Variants in NHEJ1 observed in about 807,000 individuals in gnomAD.
The protein encoded by NHEJ1 is non-homologous end-joining factor 1.
A neutral mutation model predicts 39.4 loss-of-function variants in NHEJ1; 22 were observed. The observed-to-expected ratio is 0.56, with a 90% CI of 0.40 to 0.80. The LOEUF is 0.80. Ranked by LOEUF, NHEJ1 falls within the 30% of genes least tolerant of loss-of-function variation. The pLI, the probability that NHEJ1 is intolerant of heterozygous loss-of-function variation, is 0.00. For synonymous variants in NHEJ1, 154 were observed against 135.6 expected, an observed-to-expected ratio of 1.14 and a Z score of -0.94; for missense variants, 329 against 357.1, an observed-to-expected ratio of 0.92 and a Z score of 0.63.
chr2:219,074,777 CAGCT>C lies in NHEJ1; in HGVS notation c.*1600_*1603del, dbSNP rs1449107691. ...AAAGTAACAAAAGAGCAAAGTAAGC[CAGCT>C]GATAGGCTGTTTTTATATAGTTCCC... On this transcript the variant is annotated 3_prime_UTR_variant, in exon 8 of 8. Coordinates refer to ENST00000356853, the MANE Select transcript of NHEJ1 (RefSeq NM_024782.3). Among the ~76,000 whole-genome samples the C allele has an allele frequency of 6.6e-6, 1 of 151,782 alleles. No individual in the cohort carries two copies. The highest frequency in any genetic ancestry group is 1.5e-5 in the Non-Finnish European group (1 of 67,940).
At chr2:219,140,054 G>A (rs890043813) in intron 5 of NHEJ1, among the ~76,000 whole-genome samples, 3 of 152,234 alleles carry the variant, frequency 2.0e-5, no homozygotes, top group African/African-American at 7.2e-5. Context: ...TTAAGGAAGT[G>A]AGGAAGTTGG....
chr2:219,100,221 T>C (rs1949243663), intron 5 of NHEJ1, among the ~76,000 whole-genome samples: 1 of 152,134 alleles, frequency 6.6e-6, no homozygotes, highest in Admixed American at 6.6e-5. Context: ...ACAGCTTTAA[T>C]ATGAGGAAGT....
rs935823347 is a variant in NHEJ1, at chr2:219,074,498, C to A, written c.*1883G>T. Reference sequence around the variant, plus strand: ...GTGGCTCAAACGTGTAATCCCAGCACTTTGGGAGGCCGAGGCAGGTAGATC... The same window carrying A: ...GTGGCTCAAACGTGTAATCCCAGCAATTTGGGAGGCCGAGGCAGGTAGATC... On this transcript the variant is annotated 3_prime_UTR_variant, in exon 8 of 8. Transcript: ENST00000356853. Among the ~76,000 whole-genome samples the A allele has an allele frequency of 2.6e-5, 4 of 152,162 alleles. No homozygotes were observed. The highest frequency in any genetic ancestry group is 9.7e-5 in the African/African-American group (4 of 41,438).
intron 5 of NHEJ1, among the ~76,000 whole-genome samples, chr2:219,110,460 C>T (rs577124969): frequency 1.3e-5 from 2 of 151,460 alleles, no homozygotes; most frequent in Non-Finnish European, 2.9e-5. Context: ...GAGGTTGAGG[C>T]TGCAGTGAGC....
At chr2:219,153,241 T>A (rs1409192720) in intron 3 of NHEJ1, among the ~76,000 whole-genome samples, 1 of 152,222 alleles carries the variant, frequency 6.6e-6, no homozygotes, top group Non-Finnish European at 1.5e-5. Context: ...TGTGGTTGAT[T>A]TATTTTACAG....
intron 3 of NHEJ1, among the ~76,000 whole-genome samples, chr2:219,150,981 A>C (rs1949789742): frequency 1.3e-5 from 2 of 151,792 alleles, no homozygotes; most frequent in Non-Finnish European, 2.9e-5. Flanking sequence ...AAAAAAAATT[A>C]GCCAGGTGTG....
intron 5 of NHEJ1, 23 bp downstream of exon 5, chr2:219,146,657 C>T (rs1349864160): frequency 6.3e-7 from 1 of 1,593,276 alleles, no homozygotes; most frequent in African/African-American, 1.3e-5. Flanking sequence ...CAAAGACACA[C>T]AAGAAAATGA....
chr2:219,091,710 C>A (rs1172521589), intron 5 of NHEJ1, among the ~76,000 whole-genome samples: 1 of 152,080 alleles, frequency 6.6e-6, no homozygotes, highest in African/African-American at 2.4e-5. Flanking sequence ...TGAGGAAACG[C>A]CAAGGGGACA....
intron 5 of NHEJ1, among the ~76,000 whole-genome samples, chr2:219,082,827 A>G (rs556442267): frequency 2.0e-5 from 3 of 152,370 alleles, no homozygotes; most frequent in South Asian, 4.1e-4. Context: ...GCAATGTGGT[A>G]AACATTGCTG....
intron 5 of NHEJ1, among the ~76,000 whole-genome samples, chr2:219,083,471 G>GAAAA (rs34925453): frequency 6.8e-6 from 1 of 147,370 alleles, no homozygotes; most frequent in African/African-American, 2.5e-5. Flanking sequence ...AAAATTACTA[G>GAAAA]AAAAAAAAAA....
chr2:219,153,468 G>C (rs1355482790), intron 3 of NHEJ1, among the ~76,000 whole-genome samples: 1 of 152,186 alleles, frequency 6.6e-6, no homozygotes, highest in Non-Finnish European at 1.5e-5. Context: ...AATTATATTA[G>C]ATATTAGAAA....
chr2:219,093,685 T>C (rs564260625), intron 5 of NHEJ1, among the ~76,000 whole-genome samples: 27 of 152,364 alleles, frequency 1.8e-4, no homozygotes, highest in African/African-American at 6.5e-4. Flanking sequence ...GAACTGAATG[T>C]TACTATTAAT....
intron 5 of NHEJ1, among the ~76,000 whole-genome samples, chr2:219,080,970 C>A (rs1275540584): frequency 1.3e-5 from 2 of 152,128 alleles, no homozygotes; most frequent in East Asian, 3.9e-4. Flanking sequence ...ATCCTATTTA[C>A]TTCCCTGAAC....
At chr2:219,127,547 T>G (rs954738611) in intron 5 of NHEJ1, among the ~76,000 whole-genome samples, 3 of 152,198 alleles carry the variant, frequency 2.0e-5, no homozygotes, top group Non-Finnish European at 2.9e-5. Flanking sequence ...CCAAGGCCCA[T>G]TTCTTATCTC....
At chr2:219,104,828 G>T (rs952639929) in intron 5 of NHEJ1, among the ~76,000 whole-genome samples, 2 of 152,224 alleles carry the variant, frequency 1.3e-5, no homozygotes, top group Non-Finnish European at 2.9e-5. Context: ...TGGAATTTTG[G>T]ACTCATTCCT....
At chr2:219,126,355 C>T (rs1949514618) in intron 5 of NHEJ1, among the ~76,000 whole-genome samples, 1 of 152,222 alleles carries the variant, frequency 6.6e-6, no homozygotes, top group Admixed American at 6.5e-5. Flanking sequence ...TGAGCCAACC[C>T]ATCGTACCTC....
chr2:219,117,738 A>G (rs978390434), intron 5 of NHEJ1, among the ~76,000 whole-genome samples: 4 of 152,370 alleles, frequency 2.6e-5, no homozygotes, highest in African/African-American at 9.6e-5. Flanking sequence ...AGCTGGCTTC[A>G]TCACTTATTT....
chr2:219,103,393 A>G (rs1007337872), intron 5 of NHEJ1, among the ~76,000 whole-genome samples: 3 of 151,806 alleles, frequency 2.0e-5, no homozygotes, highest in Non-Finnish European at 4.4e-5. Context: ...CTCCTGTCTC[A>G]GACTCCCAAG....
At chr2:219,146,818 G>C (rs1006969256) in intron 4 of NHEJ1, 80 bp from the exon 5 acceptor site, 2 of 1,077,726 alleles carry the variant, frequency 1.9e-6, no homozygotes, top group African/African-American at 3.1e-5. Context: ...GAACAGAACA[G>C]GGCTACTTAG....
Sources: allele counts gnomAD v4.1 joint callset (sites outside exome capture counted in the v4.1 genomes callset), GRCh38; gene constraint gnomAD v4.1.1; transcripts MANE v1.5; gene names NCBI Gene and HGNC (gene_info 2026-07-23, HGNC 2026-07-21).